The following SLC24A2 variants were observed in gnomAD, a reference collection of about 807,000 sequenced individuals.
SLC24A2 encodes the protein sodium/potassium/calcium exchanger 2.
SLC24A2 carries 36 observed loss-of-function variants against 62.0 expected under a neutral mutation model. The observed-to-expected ratio is 0.58, with a 90% CI of 0.44 to 0.77. SLC24A2 has a LOEUF of 0.77. Among genes scored for constraint, SLC24A2 ranks in the 30% least tolerant of loss-of-function variants. The pLI, the probability that SLC24A2 is intolerant of heterozygous loss-of-function variation, is 0.00. For missense variants in SLC24A2, 846 were observed against 817.9 expected (o/e 1.03, Z -0.42); for synonymous variants, 358 against 294.0 (o/e 1.22, Z -2.23).
intron 8 of SLC24A2, among the ~76,000 whole-genome samples, chr9:19,546,694 TG>T (rs1834591981): frequency 6.6e-6 from 1 of 151,270 alleles, no homozygotes; most frequent in Non-Finnish European, 1.5e-5. Flanking sequence ...GGGAAGTGAA[TG>T]GTTCTGTCTC....
chr9:20,165,324 G>T, the SLC24A2 span, among the ~76,000 whole-genome samples: 1 of 151,454 alleles, frequency 6.6e-6, no homozygotes, highest in Non-Finnish European at 1.5e-5. Flanking sequence ...AAGTTCATTT[G>T]GAAAAATAAA....
chr9:20,105,322 C>T, the SLC24A2 span, among the ~76,000 whole-genome samples: 46 of 151,502 alleles, frequency 3.0e-4, no homozygotes, highest in African/African-American at 7.5e-4. Context: ...ACCCAGGAAT[C>T]GAACTCAGCT....
chr9:19,550,239 G>A lies in SLC24A2; in HGVS notation c.1377C>T (p.Leu459=), dbSNP rs776781506. ...QTADEEEDQP[L]SLAWPSETRK... The stretch of plus-strand genomic sequence containing the variant: ...GGGTTTCAGAAGGCCAGGCAAGGCT[G>A]AGAGGCTGGTCCTCCTCCTCATCAG... The change falls in exon 8 of 11, where the codon CTC becomes CTT. Residue 459 remains leucine, a synonymous_variant. Transcript: ENST00000341998. 2 of 1,614,136 alleles carry A rather than the reference G, an allele frequency of 1.2e-6. No homozygotes were observed. Among genetic ancestry groups the A allele is most frequent in the South Asian group, 1.1e-5 (1 of 91,080 alleles).
intron 2 of SLC24A2, among the ~76,000 whole-genome samples, chr9:19,676,531 T>A (rs1030351078): frequency 3.9e-5 from 6 of 152,210 alleles, no homozygotes; most frequent in Non-Finnish European, 8.8e-5. Context: ...ATCTTCTATT[T>A]TTTTTCCCAC....
chr9:19,581,626 A>G (rs1339761144), intron 5 of SLC24A2, among the ~76,000 whole-genome samples: 1 of 152,212 alleles, frequency 6.6e-6, no homozygotes, highest in African/African-American at 2.4e-5. Flanking sequence ...AGATGACAGG[A>G]AATTCTTCTC....
chr9:19,961,023 G>GGTGT, the SLC24A2 span, among the ~76,000 whole-genome samples: 20,091 of 141,558 alleles, frequency 0.14, 1,737 homozygotes, highest in East Asian at 0.38. Flanking sequence ...TAGAGGGGTG[G>GGTGT]GTGTGTGTGT....
the SLC24A2 span, among the ~76,000 whole-genome samples, chr9:20,017,883 C>T: frequency 2.0e-5 from 3 of 152,226 alleles, no homozygotes; most frequent in Non-Finnish European, 4.4e-5. Flanking sequence ...CTCTCCCAAT[C>T]CACTGACTCA....
At position 19,573,433 on chromosome 9, in the gene SLC24A2, A is replaced by T; in HGVS notation, c.1265T>A (p.Val422Asp). 1 of 1,613,040 alleles carries T rather than the reference A, an allele frequency of 6.2e-7. No individual in the cohort carries two copies. The highest frequency in any genetic ancestry group is 8.5e-7 in the Non-Finnish European group (1 of 1,179,456). Reference sequence around the variant, plus strand: ...AGCATCACTGGATGGTGTCATTTCAACATCTGTGCTGGTGCTGTTTGGAAG... The same window carrying T: ...AGCATCACTGGATGGTGTCATTTCATCATCTGTGCTGGTGCTGTTTGGAAG... ...IELPNSTSTD[V>D]EMTPSSDASE... The change falls in exon 7 of 11, where the codon GTT becomes GAT. Residue 422 changes from valine to aspartate, a missense_variant. By Grantham distance (152) the Val-to-Asp change is radical. Coordinates refer to ENST00000341998, the MANE Select transcript of SLC24A2 (RefSeq NM_020344.4).
the SLC24A2 span, among the ~76,000 whole-genome samples, chr9:20,281,085 A>C: frequency 6.6e-6 from 1 of 152,048 alleles, no homozygotes; most frequent in African/African-American, 2.4e-5. Context: ...ATGAGACACC[A>C]TGCCTGGCTG....
chr9:20,257,187 T>C, the SLC24A2 span, among the ~76,000 whole-genome samples: 1 of 152,202 alleles, frequency 6.6e-6, no homozygotes, highest in Non-Finnish European at 1.5e-5. Context: ...AAGTCCCTTG[T>C]TCAGCAGTAT....
the SLC24A2 span, among the ~76,000 whole-genome samples, chr9:20,256,372 T>C: frequency 1.3e-5 from 2 of 152,192 alleles, no homozygotes; most frequent in African/African-American, 4.8e-5. Flanking sequence ...AAGCCTCTGC[T>C]CTTCTGGGAA....
chr9:19,962,801 C>G, the SLC24A2 span, among the ~76,000 whole-genome samples: 1 of 152,148 alleles, frequency 6.6e-6, no homozygotes, highest in African/African-American at 2.4e-5. Context: ...ATGTTGTCTG[C>G]AAACAGGGAC....
At chr9:19,828,819 A>T in the SLC24A2 span, among the ~76,000 whole-genome samples, 1 of 152,250 alleles carries the variant, frequency 6.6e-6, no homozygotes, top group South Asian at 2.1e-4. Context: ...GCTTTGCTGA[A>T]GTTGTGTGTG....
chr9:20,130,719 A>G, the SLC24A2 span, among the ~76,000 whole-genome samples: 1 of 152,086 alleles, frequency 6.6e-6, no homozygotes, highest in Admixed American at 6.6e-5. Flanking sequence ...AAACAGCACC[A>G]CTCTGGCTGC....
chr9:19,924,018 G>C, the SLC24A2 span, among the ~76,000 whole-genome samples: 1 of 152,178 alleles, frequency 6.6e-6, no homozygotes, highest in Non-Finnish European at 1.5e-5. Context: ...AGATTACAGA[G>C]AGTTGGATCA....
the SLC24A2 span, among the ~76,000 whole-genome samples, chr9:19,799,640 C>T: frequency 1.3e-5 from 2 of 152,204 alleles, no homozygotes; most frequent in Non-Finnish European, 2.9e-5. Flanking sequence ...CTTTTAGCCT[C>T]CTCTAACTGC....
At chr9:19,957,823 C>G in the SLC24A2 span, 1 of 152,684 alleles carries the variant, frequency 6.5e-6, no homozygotes, top group Non-Finnish European at 1.5e-5. Flanking sequence ...TATTTCTTCC[C>G]GTTTGGTTTG....
the SLC24A2 span, among the ~76,000 whole-genome samples, chr9:20,035,376 CT>C: frequency 2.4e-3 from 363 of 152,264 alleles, 2 homozygotes; most frequent in Admixed American, 3.7e-3. Context: ...CTGTTGGAAA[CT>C]TAATTAAGAT....
chr9:19,517,375 A>T (rs978648344), intron 10 of SLC24A2, among the ~76,000 whole-genome samples: 1 of 152,214 alleles, frequency 6.6e-6, no homozygotes, highest in African/African-American at 2.4e-5. Context: ...GTTTTGGCCT[A>T]GACTCAGGGT....
Sources: gnomAD v4.1 joint callset for allele counts (sites outside exome capture counted in the v4.1 genomes callset) on GRCh38, gnomAD v4.1.1 for gene constraint, MANE v1.5 for transcripts, NCBI Gene and HGNC (gene_info 2026-07-23, HGNC 2026-07-21) for gene names.